TMEM135: variants seen among roughly 807,000 people sequenced by gnomAD.
TMEM135 encodes the protein transmembrane protein 135.
A neutral mutation model predicts 60.3 loss-of-function variants in TMEM135; 30 were observed. The observed-to-expected ratio is 0.50, with a 90% confidence interval of 0.37 to 0.68. The LOEUF is 0.68. Among genes scored for constraint, TMEM135 ranks in the 30% least tolerant of loss-of-function variants. The pLI, the probability that TMEM135 is intolerant of heterozygous loss-of-function variation, is 0.00. For missense variants in TMEM135, 468 were observed against 548.8 expected, an observed-to-expected ratio of 0.85 and a Z score of 1.47; for synonymous variants, 190 against 186.7, an observed-to-expected ratio of 1.02 and a Z score of -0.14.
At chr11:87,163,951 T>C (rs1938963981) in intron 5 of TMEM135, among the ~76,000 whole-genome samples, 1 of 148,974 alleles carries the variant, frequency 6.7e-6, no homozygotes. Flanking sequence ...CTTTGTCAGA[T>C]GAGTAGGTTG....
At chr11:87,302,537 A>G (rs1350917103) in intron 8 of TMEM135, 95 bp downstream of exon 8, 5 of 1,483,694 alleles carry the variant, frequency 3.4e-6, no homozygotes, top group South Asian at 1.1e-5. Flanking sequence ...TATTCAGGTA[A>G]TGATGATCAT....
At chr11:87,150,295 T>C (rs1160018852) in intron 4 of TMEM135, among the ~76,000 whole-genome samples, 1 of 152,122 alleles carries the variant, frequency 6.6e-6, no homozygotes, top group African/African-American at 2.4e-5. Flanking sequence ...TCTTTTCTAC[T>C]GCTTCTAACA....
chr11:87,280,027 TCTTTA>T (rs1565154439), intron 6 of TMEM135, among the ~76,000 whole-genome samples: 1 of 152,262 alleles, frequency 6.6e-6, no homozygotes, highest in African/African-American at 2.4e-5. Context: ...TATGTAGGCA[TCTTTA>T]CTTAGTTGTA....
intron 14 of TMEM135, among the ~76,000 whole-genome samples, chr11:87,319,686 GATTC>G (rs1299500315): frequency 6.6e-6 from 1 of 151,748 alleles, no homozygotes; most frequent in Non-Finnish European, 1.5e-5. Context: ...ATATTAAACA[GATTC>G]ATTAAAGATC....
intron 1 of TMEM135, among the ~76,000 whole-genome samples, chr11:87,038,537 T>C (rs1340415276): frequency 6.6e-6 from 1 of 151,544 alleles, no homozygotes; most frequent in East Asian, 1.9e-4. Context: ...GATGGAGAGG[T>C]ATTTGTAGGT....
At chr11:87,221,247 GTCTTCT>G (rs756766527) in intron 5 of TMEM135, among the ~76,000 whole-genome samples, 2 of 152,152 alleles carry the variant, frequency 1.3e-5, no homozygotes, top group African/African-American at 4.8e-5. Context: ...AAACCTGTTA[GTCTTCT>G]TAGATGCAGG....
intron 5 of TMEM135, among the ~76,000 whole-genome samples, chr11:87,186,068 A>G (rs551298515): frequency 3.4e-4 from 51 of 152,054 alleles, no homozygotes; most frequent in South Asian, 2.1e-4. Context: ...CACTACATTC[A>G]GCTATTTTTT....
At chr11:87,108,254 C>A (rs1399478023) in intron 4 of TMEM135, among the ~76,000 whole-genome samples, 3 of 152,150 alleles carry the variant, frequency 2.0e-5, no homozygotes, top group Non-Finnish European at 4.4e-5. Flanking sequence ...CATGCAGAAG[C>A]TCTTTAGTTT....
At chr11:87,152,676 C>T (rs915980413) in intron 4 of TMEM135, among the ~76,000 whole-genome samples, 2 of 152,108 alleles carry the variant, frequency 1.3e-5, no homozygotes, top group African/African-American at 4.8e-5. Context: ...TGACCTCAGG[C>T]GCCCCACCCG....
rs1259472300 is a variant in TMEM135 at position 87,328,357 on chromosome 11, TTTGC to T, written c.*7027_*7030del. On this transcript the variant is annotated 3_prime_UTR_variant, in exon 15 of 15. Transcript: ENST00000305494. ...ATGTGTCATTTAATTAAGGAATGAATTTGCTTATTTTTATTTCAGTAGCTTTTGG... is the reference window on the plus strand; with the variant it reads ...ATGTGTCATTTAATTAAGGAATGAATTTATTTTTATTTCAGTAGCTTTTGG... 4.4e-6 allele frequency: 2 copies of T among 453,904 alleles called. No homozygotes were observed. The highest frequency in any genetic ancestry group is 8.8e-6 in the Non-Finnish European group (2 of 226,770). The allele number at this position is 453,904 out of a possible 1,614,324, so 28.1% of individuals were successfully genotyped here. A position where few individuals can be genotyped will look rare whatever the true frequency, so the allele number is the denominator to read the frequency against.
intron 7 of TMEM135, among the ~76,000 whole-genome samples, chr11:87,299,876 A>G (rs1028480272): frequency 1.3e-5 from 2 of 152,242 alleles, no homozygotes; most frequent in Non-Finnish European, 2.9e-5. Context: ...GAAGAACCCA[A>G]ATGTAATAAT....
chr11:87,150,112 G>A (rs1387644979), intron 4 of TMEM135, among the ~76,000 whole-genome samples: 4 of 151,482 alleles, frequency 2.6e-5, no homozygotes, highest in African/African-American at 9.7e-5. Flanking sequence ...AGCTACTTGG[G>A]AGGGTGAGAC....
chr11:87,206,390 A>G (rs1940234300), intron 5 of TMEM135, among the ~76,000 whole-genome samples: 1 of 152,208 alleles, frequency 6.6e-6, no homozygotes, highest in African/African-American at 2.4e-5. Flanking sequence ...CCAGGACTAC[A>G]GGAAGGCAAA....
At chr11:87,245,832 G>A (rs1329230501) in intron 6 of TMEM135, among the ~76,000 whole-genome samples, 2 of 86,646 alleles carry the variant, frequency 2.3e-5, no homozygotes, top group African/African-American at 8.8e-5. Flanking sequence ...CTTTTAATTG[G>A]AGCATTTAGT....
chr11:87,070,308 A>G (rs1260749993), intron 2 of TMEM135, among the ~76,000 whole-genome samples: 2 of 152,092 alleles, frequency 1.3e-5, no homozygotes, highest in Non-Finnish European at 2.9e-5. Context: ...TTAGGAACAT[A>G]TGTTTTCAAG....
At chr11:87,299,912 A>G (rs1423758043) in intron 7 of TMEM135, among the ~76,000 whole-genome samples, 2 of 152,242 alleles carry the variant, frequency 1.3e-5, no homozygotes, top group Non-Finnish European at 2.9e-5. Flanking sequence ...TATAATTCAC[A>G]AATTATTAAT....
chr11:87,240,096 A>G (rs1375544200), intron 6 of TMEM135, among the ~76,000 whole-genome samples: 1 of 152,056 alleles, frequency 6.6e-6, no homozygotes, highest in South Asian at 2.1e-4. Flanking sequence ...GTGCGAGGAG[A>G]GGGCTCTACT....
intron 6 of TMEM135, among the ~76,000 whole-genome samples, chr11:87,256,413 A>T (rs605167): frequency 0.65 from 99,188 of 152,088 alleles, 32,928 homozygotes; most frequent in Middle Eastern, 0.7. Context: ...GAAAAGATGA[A>T]AAAATGCAGA....
At chr11:87,073,546 T>C (rs2135144538) in intron 3 of TMEM135, among the ~76,000 whole-genome samples, 1 of 152,316 alleles carries the variant, frequency 6.6e-6, no homozygotes, top group East Asian at 1.9e-4. Context: ...TACAGCATGA[T>C]TGTTGAAGCA....
Sources: allele counts gnomAD v4.1 joint callset (sites outside exome capture counted in the v4.1 genomes callset), GRCh38; gene constraint gnomAD v4.1.1; transcripts MANE v1.5; gene names NCBI Gene and HGNC (gene_info 2026-07-23, HGNC 2026-07-21).